OR51B5: variants seen among roughly 807,000 people sequenced by gnomAD.
OR51B5 encodes the protein olfactory receptor 51B5.
For synonymous variants in OR51B5, 186 were observed against 144.8 expected, an observed-to-expected ratio of 1.28 and a Z score of -2.04; for missense variants, 456 against 374.6, an observed-to-expected ratio of 1.22 and a Z score of -1.79.
At chr11:5,371,799 T>A (rs527465353) in intron 1 of OR51B5, among the ~76,000 whole-genome samples, 1 of 152,296 alleles carries the variant, frequency 6.6e-6, no homozygotes, top group South Asian at 2.1e-4. Flanking sequence ...ATAACAAATG[T>A]TTAGTTTACA....
At chr11:5,424,084 G>T (rs1446773146) in intron 1 of OR51B5, among the ~76,000 whole-genome samples, 1 of 152,070 alleles carries the variant, frequency 6.6e-6, no homozygotes, top group African/African-American at 2.4e-5. Flanking sequence ...CAGCAATATC[G>T]GTTTGAAGGG....
At chr11:5,391,194 T>C (rs1390554070) in intron 1 of OR51B5, 2 of 152,250 alleles carry the variant, frequency 1.3e-5, no homozygotes, top group Non-Finnish European at 2.9e-5. Context: ...AAATAAACTT[T>C]ACATTGGCTG....
intron 1 of OR51B5, among the ~76,000 whole-genome samples, chr11:5,480,786 C>T (rs1379115142): frequency 1.5e-5 from 2 of 137,404 alleles, no homozygotes; most frequent in Non-Finnish European, 3.2e-5. Flanking sequence ...TTGACACATA[C>T]ACTCTCCCAA....
In OR51B5 at chr11:5,386,780, G is replaced by A. The variant is rs900572145; in HGVS notation, n.85-39870C>T. Among the ~76,000 whole-genome samples the A allele has an allele frequency of 3.9e-5, 6 of 152,102 alleles. No homozygotes were observed. The East Asian group carries it at 1.2e-3, about 29-fold the overall frequency. ...TGAAGATGAATAGATTACAGGGATA[G>A]ATTAAAAGAACTTAGTTAAAAATTA... On this transcript the variant is annotated intron_variant and non_coding_transcript_variant, in intron 1 of 4. Transcript: ENST00000415970.
chr11:5,469,887 G>C (rs935674966), intron 1 of OR51B5, among the ~76,000 whole-genome samples: 24 of 151,986 alleles, frequency 1.6e-4, no homozygotes, highest in African/African-American at 5.8e-4. Flanking sequence ...CATCTTTTGT[G>C]TATATTCTAA....
At chr11:5,363,535 CACT>C (rs1849319683) in intron 1 of OR51B5, among the ~76,000 whole-genome samples, 1 of 152,010 alleles carries the variant, frequency 6.6e-6, no homozygotes, top group Non-Finnish European at 1.5e-5. Flanking sequence ...GAGGTACACT[CACT>C]ACTTTTATTA....
At chr11:5,405,827 T>C (rs1850050155) in intron 1 of OR51B5, among the ~76,000 whole-genome samples, 2 of 152,204 alleles carry the variant, frequency 1.3e-5, no homozygotes, top group African/African-American at 4.8e-5. Flanking sequence ...GACCTGGGGA[T>C]CTGCAGTTGT....
At chr11:5,346,668 G>A (rs1320578104), upstream of OR51B5, among the ~76,000 whole-genome samples, 2 of 152,194 alleles carry the variant, frequency 1.3e-5, no homozygotes, top group Admixed American at 6.5e-5. Flanking sequence ...AATTGCTTTT[G>A]AAGTTCTATC....
intron 1 of OR51B5, among the ~76,000 whole-genome samples, chr11:5,498,523 A>G (rs1407492849): frequency 1.3e-5 from 2 of 152,242 alleles, no homozygotes; most frequent in African/African-American, 4.8e-5. Flanking sequence ...CAAGGTAAAA[A>G]AAAATCAACA....
chr11:5,364,587 TAAACTA>T (rs1849338310), intron 1 of OR51B5, among the ~76,000 whole-genome samples: 10 of 139,054 alleles, frequency 7.2e-5, no homozygotes, highest in Admixed American at 7.1e-4. Flanking sequence ...AATGAAAAAA[TAAACTA>T]AGCGTGAGAG....
intron 1 of OR51B5, among the ~76,000 whole-genome samples, chr11:5,443,266 A>G (rs1850717335): frequency 1.3e-5 from 2 of 152,170 alleles, no homozygotes; most frequent in Non-Finnish European, 2.9e-5. Flanking sequence ...GTGAAATTAG[A>G]TGGTGACAAG....
At chr11:5,491,420 A>G (rs1017935934) in intron 1 of OR51B5, among the ~76,000 whole-genome samples, 1 of 152,234 alleles carries the variant, frequency 6.6e-6, no homozygotes, top group South Asian at 2.1e-4. Flanking sequence ...GAGCTGTCAC[A>G]GGTCAGGGAC....
intron 1 of OR51B5, chr11:5,488,660 A>G (rs1261168916): frequency 4.9e-6 from 6 of 1,232,364 alleles, no homozygotes; most frequent in Non-Finnish European, 7.0e-6. Context: ...GTTACAGGGC[A>G]AGCATAACAA....
intron 1 of OR51B5, among the ~76,000 whole-genome samples, chr11:5,498,151 A>G (rs916987468): frequency 6.6e-6 from 1 of 152,200 alleles, no homozygotes; most frequent in Non-Finnish European, 1.5e-5. Context: ...CACCAGCAGA[A>G]GAGGTAGCTT....
chr11:5,352,310 A>T, intron 1 of OR51B5: 1 of 1,614,082 alleles, frequency 6.2e-7, no homozygotes, highest in Non-Finnish European at 8.5e-7. Context: ...CATGTTCCTC[A>T]TGTCGTTCAC....
Position 5,384,859 on chromosome 11 carries a change from G to C in OR51B5, n.85-37949C>G, listed in dbSNP as rs149940368. The stretch of plus-strand genomic sequence containing the variant: ...TCCTCCTCTATCCTACTAAAAACAG[G>C]CATGTTTACAGATGAGTTTGACCAC... On this transcript the variant is annotated intron_variant and non_coding_transcript_variant, in intron 1 of 4. Coordinates refer to the OR51B5 transcript ENST00000415970. Among the ~76,000 whole-genome samples the C allele has an allele frequency of 2.9e-3, 444 of 152,240 alleles. 1 individual carries two copies. The highest frequency in any genetic ancestry group is 0.01 in the African/African-American group (420 of 41,554).
chr11:5,438,981 GAA>G (rs1190642713), intron 1 of OR51B5, among the ~76,000 whole-genome samples: 7 of 152,176 alleles, frequency 4.6e-5, no homozygotes, highest in Admixed American at 6.5e-5. Flanking sequence ...TAGATTTGCA[GAA>G]AAGTCTCCGA....
At chr11:5,464,674 T>C (rs1590012129) in intron 1 of OR51B5, among the ~76,000 whole-genome samples, 1 of 152,278 alleles carries the variant, frequency 6.6e-6, no homozygotes, top group Non-Finnish European at 1.5e-5. Flanking sequence ...ATTTTCTTAA[T>C]TCAGTCTATC....
intron 1 of OR51B5, among the ~76,000 whole-genome samples, chr11:5,379,853 A>T (rs1009657336): frequency 3.9e-5 from 6 of 152,186 alleles, no homozygotes; most frequent in South Asian, 2.1e-4. Context: ...GTCCTCTCTC[A>T]TCATGTGATC....
Sources: allele counts gnomAD v4.1 joint callset (sites outside exome capture counted in the v4.1 genomes callset), GRCh38; gene constraint gnomAD v4.1.1; transcripts MANE v1.5; gene names NCBI Gene and HGNC (gene_info 2026-07-23, HGNC 2026-07-21).